Variants in PSTPIP1 observed in about 807,000 individuals in gnomAD.
PSTPIP1 encodes proline-serine-threonine phosphatase-interacting protein 1.
Under a neutral mutation model 69.6 loss-of-function variants are expected in PSTPIP1, and 66 were observed. The observed-to-expected ratio is 0.95, with a 90% CI of 0.78 to 1.16. The LOEUF (loss-of-function observed/expected upper bound fraction) is 1.16. PSTPIP1 is among the 50% of genes most tolerant of loss of function. PSTPIP1 has a pLI of 0.00. For missense variants in PSTPIP1, 603 were observed against 557.4 expected, an observed-to-expected ratio of 1.08 and a Z score of -0.82; for synonymous variants, 266 against 222.7, an observed-to-expected ratio of 1.19 and a Z score of -1.73.
intron 10 of PSTPIP1, 116 bp downstream of exon 10, chr15:77,031,394 C>A: frequency 8.6e-7 from 1 of 1,163,604 alleles, no homozygotes; most frequent in Non-Finnish European, 1.3e-6. Flanking sequence ...CAAGCCTGGC[C>A]CCAGGGGTCT....
In PSTPIP1 at chr15:77,025,355, G is replaced by T. The variant is rs766821339; in HGVS notation, c.247+37G>T. On this transcript the variant is annotated intron_variant, in intron 4 of 14. Coordinates refer to ENST00000558012, the MANE Select transcript of PSTPIP1 (RefSeq NM_003978.5). ...ACCCTGGGGCAATGGGATCTTTTGG[G>T]ACTGCGAGGCTGGTGGAGGGTTTGG... 3.1e-6 allele frequency: 5 copies of T among 1,593,590 alleles called. No individual in the cohort carries two copies. The South Asian group carries it at 5.5e-5, about 18-fold the overall frequency.
chr15:77,026,232 T>C (rs1235253032), intron 5 of PSTPIP1: 1 of 455,468 alleles, frequency 2.2e-6, no homozygotes, highest in African/African-American at 2.0e-5. Context: ...AAGTTGGATA[T>C]AGGTTCCCTG....
intron 5 of PSTPIP1, 65 bp downstream of exon 5, chr15:77,025,669 GTA>G: frequency 1.5e-6 from 2 of 1,304,870 alleles, no homozygotes; most frequent in Non-Finnish European, 2.1e-6. Context: ...TGCTGTGGGG[GTA>G]GGGGGCTGAC....
At chr15:77,036,032 G>C (rs1416795836) in intron 14 of PSTPIP1, 97 bp downstream of exon 14, 4 of 1,410,090 alleles carry the variant, frequency 2.8e-6, no homozygotes, top group Non-Finnish European at 3.7e-6. Context: ...CTCTCCTCAT[G>C]GTTTCACTCA....
At chr15:77,013,385 C>A (rs150953922) in intron 1 of PSTPIP1, among the ~76,000 whole-genome samples, 1 of 152,188 alleles carries the variant, frequency 6.6e-6, no homozygotes, top group Admixed American at 6.5e-5. Context: ...ACTGCACTGC[C>A]AGCTGCCTCT....
At chr15:77,008,708 C>G (rs2075870841) in intron 1 of PSTPIP1, among the ~76,000 whole-genome samples, 1 of 152,228 alleles carries the variant, frequency 6.6e-6, no homozygotes, top group South Asian at 2.1e-4. Flanking sequence ...CTGCGCCCAG[C>G]ATTCTTGATC....
At chr15:77,022,148 T>G (rs1253170848) in intron 3 of PSTPIP1, among the ~76,000 whole-genome samples, 3 of 152,204 alleles carry the variant, frequency 2.0e-5, no homozygotes, top group Non-Finnish European at 4.4e-5. Context: ...TTTTTCATGG[T>G]CTCTCTTCCT....
At chr15:77,026,774 C>G (rs1437893996) in intron 5 of PSTPIP1, among the ~76,000 whole-genome samples, 1 of 152,256 alleles carries the variant, frequency 6.6e-6, no homozygotes, top group Non-Finnish European at 1.5e-5. Flanking sequence ...GGTGCCGGAG[C>G]AGGCACCCTC....
intron 3 of PSTPIP1, among the ~76,000 whole-genome samples, chr15:77,022,341 AAC>A (rs1208924010): frequency 6.6e-6 from 1 of 152,172 alleles, no homozygotes; most frequent in Admixed American, 6.5e-5. Context: ...CAGAGCAGGA[AAC>A]ACACTGGAAA....
Position 77,031,186 on chromosome 15 carries a change from C to A in PSTPIP1, c.649C>A (p.Gln217Lys). Residue 217 changes from glutamine (Q) to lysine (K), a missense_variant, in exon 10 of 15, where the codon CAG (glutamine) becomes AAG (lysine). By Grantham distance (53) the Gln-to-Lys change is moderately conservative. Coordinates refer to ENST00000558012, the MANE Select transcript of PSTPIP1 (RefSeq NM_003978.5). ...TCCCTCCCACTGCCCCCAGGCCTTT[C>A]AGCTGCAAGAGTTTGACCGGCTGAC... ...QEHRTTCEAF[Q>K]LQEFDRLTIL... 6.2e-7 allele frequency: 1 copy of A among 1,612,528 alleles called. No individual in the cohort carries two copies. Among genetic ancestry groups the A allele is most frequent in the Non-Finnish European group, 8.5e-7 (1 of 1,179,502 alleles).
intron 7 of PSTPIP1, 91 bp from the exon 8 acceptor site, chr15:77,029,438 C>T (rs559160570): frequency 1.9e-5 from 28 of 1,453,094 alleles, no homozygotes; most frequent in South Asian, 1.4e-4. Flanking sequence ...CCAGGGTGGC[C>T]GGGGAAGCTT....
rs892470837 is a variant in PSTPIP1, at chr15:77,028,089, C to A, written c.417+175C>A. On this transcript the variant is annotated intron_variant, in intron 6 of 14. Transcript: ENST00000558012. ...GCGGGGCGCTTGGGCCCGTGCTGGG[C>A]GCTATGGCCCCGTGGGGATGGTCCC... Among the ~76,000 whole-genome samples the A allele has an allele frequency of 1.6e-4, 24 of 152,246 alleles. No homozygotes were observed. The East Asian group carries it at 3.9e-3, about 25-fold the overall frequency.
intron 1 of PSTPIP1, among the ~76,000 whole-genome samples, chr15:77,003,132 G>T (rs2075744628): frequency 6.6e-6 from 1 of 152,206 alleles, no homozygotes; most frequent in Admixed American, 6.5e-5. Flanking sequence ...ACCCTCTCTG[G>T]TGGTGGCTGT....
At chr15:77,033,505 C>T (rs901987806) in intron 12 of PSTPIP1, among the ~76,000 whole-genome samples, 1 of 152,200 alleles carries the variant, frequency 6.6e-6, no homozygotes, top group Non-Finnish European at 1.5e-5. Context: ...ACGAAGGTGA[C>T]AGCCCATTGG....
intron 3 of PSTPIP1, among the ~76,000 whole-genome samples, chr15:77,019,133 G>A (rs922600363): frequency 2.6e-5 from 4 of 152,202 alleles, no homozygotes; most frequent in African/African-American, 9.7e-5. Flanking sequence ...CTGATGAAGC[G>A]GGAGTCTCCA....
At chr15:77,036,260 C>A (rs574690094) in intron 14 of PSTPIP1, among the ~76,000 whole-genome samples, 6 of 152,264 alleles carry the variant, frequency 3.9e-5, no homozygotes, top group African/African-American at 1.4e-4. Flanking sequence ...GTACCTATGC[C>A]GTCCACACAG....
chr15:76,995,603 C>T lies in PSTPIP1; in HGVS notation c.30C>T (p.Ala10=). 6.2e-7 allele frequency: 1 copy of T among 1,613,658 alleles called. No individual in the cohort carries two copies. MMPQLQFKD[A]FWCRDFTAHT... ...TGCCCCAGCTGCAGTTCAAAGATGC[C>T]TTTTGGGTGAGTGAGGATGGTTGGG... Residue 10 remains alanine, a synonymous_variant, in exon 1 of 15, where the codon GCC becomes GCT. Transcript: ENST00000558012.
intron 3 of PSTPIP1, among the ~76,000 whole-genome samples, chr15:77,022,473 G>A (rs1194631046): frequency 6.6e-6 from 1 of 152,266 alleles, no homozygotes; most frequent in Non-Finnish European, 1.5e-5. Context: ...GCAGAGGCCT[G>A]TGCAGGACCC....
chr15:77,000,005 C>T (rs924681238), intron 1 of PSTPIP1, among the ~76,000 whole-genome samples: 2 of 152,226 alleles, frequency 1.3e-5, no homozygotes, highest in Admixed American at 6.5e-5. Flanking sequence ...TGTCACCCAC[C>T]CTTTGGGTGG....
Sources: allele counts gnomAD v4.1 joint callset (sites outside exome capture counted in the v4.1 genomes callset), GRCh38; gene constraint gnomAD v4.1.1; transcripts MANE v1.5; gene names NCBI Gene and HGNC (gene_info 2026-07-23, HGNC 2026-07-21).